Variants in RRN3 observed in about 807,000 individuals in gnomAD.
RRN3 encodes the protein RNA polymerase I transcription factor RRN3.
RRN3 carries 38 observed loss-of-function variants against 82.3 expected under a neutral mutation model. The ratio of observed to expected loss-of-function variants is 0.46; its 90% CI spans 0.36 to 0.61. The LOEUF (loss-of-function observed/expected upper bound fraction) is 0.61, where lower values mean the gene tolerates loss of function less well. RRN3 is among the 20% of genes least tolerant of loss of function. The pLI, the probability that RRN3 is intolerant of heterozygous loss-of-function variation, is 0.00. For missense variants in RRN3, 726 were observed against 793.1 expected (o/e 0.92, Z 1.02); for synonymous variants, 284 against 284.3 (o/e 1.00, Z 0.01).
At chr16:15,061,950 T>A (rs868289941) in intron 17 of RRN3, 45 bp from the exon 18 acceptor site, 3 of 1,551,378 alleles carry the variant, frequency 1.9e-6, no homozygotes, top group Middle Eastern at 3.4e-4. Context: ...CAGTGCTGAC[T>A]GAAAAGCTTT....
intron 15 of RRN3, among the ~76,000 whole-genome samples, chr16:15,066,600 T>C (rs1278031713): frequency 2.0e-5 from 3 of 148,706 alleles, no homozygotes; most frequent in African/African-American, 5.0e-5. Context: ...GCCACTGTAC[T>C]CCAGCCTGGG....
In RRN3 at chr16:15,063,222, G is replaced by A; in HGVS notation, c.1768C>T (p.Gln590Ter). Reference sequence around the variant, plus strand: ...TTTTTCATGGGTTTCTTGAACTCCTGTAGCTCTTCAGCACTCATGTCTTCC... The same window carrying A: ...TTTTTCATGGGTTTCTTGAACTCCTATAGCTCTTCAGCACTCATGTCTTCC... ...VWEDMSAEELQEFKKPMKKDI... is the reference protein window; with the variant it reads ...VWEDMSAEEL Residue 590 changes from glutamine (Q) to a stop codon, truncating the protein, a stop_gained, in exon 17 of 18, where the codon CAG becomes TAG. Coordinates refer to ENST00000198767, the MANE Select transcript of RRN3 (RefSeq NM_018427.5). LOFTEE classifies it high-confidence loss of function. 3 of 1,612,732 alleles carry A rather than the reference G, an allele frequency of 1.9e-6. No homozygotes were observed. The highest frequency in any genetic ancestry group is 2.5e-6 in the Non-Finnish European group (3 of 1,178,776).
chr16:15,067,549 C>T (rs1287269363), intron 15 of RRN3, among the ~76,000 whole-genome samples: 4 of 146,650 alleles, frequency 2.7e-5, no homozygotes, highest in Non-Finnish European at 6.0e-5. Context: ...CAATCTCTTA[C>T]AGGTCAACAT....
chr16:15,083,243 AC>A (rs1375315306), intron 8 of RRN3, among the ~76,000 whole-genome samples: 1 of 152,140 alleles, frequency 6.6e-6, no homozygotes, highest in East Asian at 1.9e-4. Flanking sequence ...TACTAAAAAT[AC>A]AAAAATTAGC....
chr16:15,090,400 T>C (rs149039273), intron 3 of RRN3, among the ~76,000 whole-genome samples: 15,338 of 152,250 alleles, frequency 0.1, 933 homozygotes, highest in East Asian at 0.25. Flanking sequence ...TAAGTGCTTC[T>C]TGCATATTAG....
chr16:15,093,825 C>A lies in RRN3; in HGVS notation c.89+320G>T, dbSNP rs2046238634. ...TAACCCACATAGCCCAGGGAAATCC[C>A]TTCCAAATTTGGACGAAGAAGAGGG... On this transcript the variant is annotated intron_variant, in intron 1 of 17. Transcript: ENST00000198767. 7.2e-6 allele frequency: 3 copies of A among 415,302 alleles called. No individual in the cohort carries two copies. In the South Asian group the frequency reaches 9.6e-5, roughly 13 times the overall value. 25.7% of individuals were successfully genotyped at this position (415,302 alleles called of 1,614,324 possible).
At chr16:15,083,683 G>A in intron 7 of RRN3, 101 bp from the exon 8 acceptor site, 1 of 1,511,966 alleles carries the variant, frequency 6.6e-7, no homozygotes, top group Non-Finnish European at 8.9e-7. Flanking sequence ...ATAGACATAG[G>A]AGGCAAACAG....
At chr16:15,093,926 G>T (rs2151832793) in intron 1 of RRN3, 1 of 548,852 alleles carries the variant, frequency 1.8e-6, no homozygotes, top group Non-Finnish European at 3.2e-6. Flanking sequence ...GGGAAAGGGG[G>T]CCTCCAGAAC....
At chr16:15,094,095 G>C (rs745777797) in intron 1 of RRN3, 50 bp downstream of exon 1, 4 of 1,501,964 alleles carry the variant, frequency 2.7e-6, no homozygotes, top group Non-Finnish European at 3.6e-6. Context: ...TCTAAGCGCC[G>C]TCCTGAGCTT....
intron 14 of RRN3, among the ~76,000 whole-genome samples, chr16:15,069,681 T>C (rs1038474273): frequency 1.3e-5 from 2 of 152,196 alleles, no homozygotes; most frequent in African/African-American, 4.8e-5. Flanking sequence ...GTGCTGTCTG[T>C]AAAGGGAGAA....
chr16:15,070,018 AG>A, intron 14 of RRN3, 51 bp downstream of exon 14: 1 of 956,162 alleles, frequency 1.0e-6, no homozygotes, highest in African/African-American at 1.7e-5. Flanking sequence ...ACCATTCTGA[AG>A]GGTGACAAGA....
chr16:15,070,983 A>C, intron 13 of RRN3, 138 bp downstream of exon 13: 2 of 636,978 alleles, frequency 3.1e-6, no homozygotes, highest in Non-Finnish European at 5.3e-6. Flanking sequence ...TAGAAATATA[A>C]ACATCTTGCA....
chr16:15,091,966 C>G (rs1389386774), intron 2 of RRN3, among the ~76,000 whole-genome samples: 4 of 152,300 alleles, frequency 2.6e-5, no homozygotes, highest in African/African-American at 7.2e-5. Context: ...ATCACAAGGT[C>G]AGGAGTTCGA....
intron 2 of RRN3, among the ~76,000 whole-genome samples, chr16:15,092,025 A>C (rs1270047791): frequency 1.3e-5 from 2 of 152,110 alleles, no homozygotes; most frequent in Non-Finnish European, 2.9e-5. Flanking sequence ...AAAAAAATAA[A>C]AAAATTAGCC....
intron 11 of RRN3, among the ~76,000 whole-genome samples, chr16:15,073,317 G>A (rs184853294): frequency 6.6e-6 from 1 of 152,284 alleles, no homozygotes; most frequent in Non-Finnish European, 1.5e-5. Flanking sequence ...AAATTAGCCA[G>A]GCATGGTGGC....
At chr16:15,080,210 A>T (rs2045640913) in intron 8 of RRN3, 114 bp from the exon 9 acceptor site, 2 of 1,333,000 alleles carry the variant, frequency 1.5e-6, no homozygotes, top group Admixed American at 3.2e-5. Context: ...AAAGAAAAAA[A>T]CAGACTATCC....
chr16:15,079,957 A>C (rs1178705305), intron 9 of RRN3, 41 bp downstream of exon 9: 1 of 1,535,936 alleles, frequency 6.5e-7, no homozygotes, highest in East Asian at 2.3e-5. Context: ...AACAAATTCA[A>C]GTCAGTAAAT....
chr16:15,089,360 T>C (rs2046028404), intron 3 of RRN3, among the ~76,000 whole-genome samples: 1 of 151,794 alleles, frequency 6.6e-6, no homozygotes, highest in Non-Finnish European at 1.5e-5. Context: ...CAGACACAAA[T>C]ATATTAGGAC....
chr16:15,089,384 A>G (rs2046029739), intron 3 of RRN3, among the ~76,000 whole-genome samples: 1 of 152,160 alleles, frequency 6.6e-6, no homozygotes, highest in Non-Finnish European at 1.5e-5. Flanking sequence ...GGTAGATTTC[A>G]AAGCCATGAA....
Sources: allele counts gnomAD v4.1 joint callset (sites outside exome capture counted in the v4.1 genomes callset), GRCh38; gene constraint gnomAD v4.1.1; transcripts MANE v1.5; gene names NCBI Gene and HGNC (gene_info 2026-07-23, HGNC 2026-07-21).